The following SYN3 variants were observed in gnomAD, a reference collection of about 807,000 sequenced individuals.
SYN3 encodes the protein synapsin-3.
A neutral mutation model predicts 65.8 loss-of-function variants in SYN3; 35 were observed. That is an observed-to-expected ratio of 0.53 (90% CI 0.41 to 0.70). The LOEUF is 0.70. SYN3 is among the 30% of genes least tolerant of loss of function. The pLI is 0.00. For synonymous variants in SYN3, 270 were observed against 292.9 expected, an observed-to-expected ratio of 0.92 and a Z score of 0.80; for missense variants, 680 against 749.0, an observed-to-expected ratio of 0.91 and a Z score of 1.08.
At chr22:32,849,414 C>G (rs1454498872) in intron 6 of SYN3, 4 of 1,590,278 alleles carry the variant, frequency 2.5e-6, no homozygotes, top group Non-Finnish European at 3.4e-6. Context: ...GTGGTTCAGG[C>G]CTTCCTAACC....
intron 4 of SYN3, among the ~76,000 whole-genome samples, chr22:32,900,580 T>G (rs1306618242): frequency 6.6e-6 from 1 of 152,224 alleles, no homozygotes; most frequent in Non-Finnish European, 1.5e-5. Context: ...GCCTTTTGCA[T>G]AGACTTTGAT....
intron 6 of SYN3, among the ~76,000 whole-genome samples, chr22:32,765,633 G>A (rs947390055): frequency 1.3e-5 from 2 of 152,202 alleles, no homozygotes; most frequent in African/African-American, 4.8e-5. Context: ...TCCTGGGAGA[G>A]CTGGACACGT....
At chr22:32,976,583 A>T (rs1453752295) in intron 3 of SYN3, among the ~76,000 whole-genome samples, 1 of 152,158 alleles carries the variant, frequency 6.6e-6, no homozygotes. Context: ...AAATATAAAC[A>T]GAGGAGAGTT....
At chr22:33,052,082 C>T (rs1444952938) in intron 1 of SYN3, among the ~76,000 whole-genome samples, 1 of 152,042 alleles carries the variant, frequency 6.6e-6, no homozygotes, top group African/African-American at 2.4e-5. Flanking sequence ...AGAGGGAGAC[C>T]ATCCTGCCCA....
chr22:32,900,624 C>G (rs1404345700), intron 4 of SYN3, among the ~76,000 whole-genome samples: 3 of 146,558 alleles, frequency 2.0e-5, no homozygotes, highest in African/African-American at 7.3e-5. Context: ...GTCGGCTTCC[C>G]TATTAGACTG....
intron 4 of SYN3, among the ~76,000 whole-genome samples, chr22:32,912,153 C>T (rs2050067608): frequency 6.6e-6 from 1 of 152,188 alleles, no homozygotes; most frequent in African/African-American, 2.4e-5. Flanking sequence ...ACATATAGTT[C>T]CTCCACTGAC....
chr22:32,927,183 G>T (rs1435659398), intron 4 of SYN3, among the ~76,000 whole-genome samples: 1 of 151,950 alleles, frequency 6.6e-6, no homozygotes, highest in Non-Finnish European at 1.5e-5. Flanking sequence ...GTTATATTGG[G>T]TGTAAATCAA....
intron 3 of SYN3, among the ~76,000 whole-genome samples, chr22:32,968,164 A>G (rs1318999101): frequency 1.3e-5 from 2 of 152,202 alleles, no homozygotes; most frequent in African/African-American, 4.8e-5. Flanking sequence ...CTTAAGAAAA[A>G]TAGGTCATCT....
At chr22:32,709,548 T>C (rs1049317337) in intron 6 of SYN3, among the ~76,000 whole-genome samples, 20 of 152,184 alleles carry the variant, frequency 1.3e-4, no homozygotes, top group Non-Finnish European at 2.2e-4. Flanking sequence ...ACCAGGGTTT[T>C]TTTTACGCCC....
intron 6 of SYN3, among the ~76,000 whole-genome samples, chr22:32,730,888 A>C (rs1489943813): frequency 2.0e-5 from 3 of 152,074 alleles, no homozygotes; most frequent in Admixed American, 6.6e-5. Flanking sequence ...TGCCTGGAGC[A>C]CATCTGCCAC....
At chr22:32,712,174 T>C (rs1329748208) in intron 6 of SYN3, among the ~76,000 whole-genome samples, 1 of 152,236 alleles carries the variant, frequency 6.6e-6, no homozygotes, top group East Asian at 1.9e-4. Context: ...CTTGTGCTCT[T>C]TAGTTTTCTC....
At chr22:32,679,839 C>CTTTTTTTTTCTTTTTTT (rs2060497797) in intron 6 of SYN3, among the ~76,000 whole-genome samples, 1 of 39,150 alleles carries the variant, frequency 2.6e-5, no homozygotes, top group Non-Finnish European at 4.6e-5. Context: ...TGTTTTTTGG[C>CTTTTTTTTTCTTTTTTT]TTTTTTTTTT....
At chr22:32,874,815 C>T (rs186957396) in intron 4 of SYN3, among the ~76,000 whole-genome samples, 74 of 152,274 alleles carry the variant, frequency 4.9e-4, no homozygotes, top group African/African-American at 1.5e-3. Flanking sequence ...AGAGACTTCA[C>T]GTTTTCTCTT....
In SYN3 at chr22:32,806,391, C is replaced by G. The variant is rs77157655; in HGVS notation, c.711+58524G>C. 9.7e-3 allele frequency among the ~76,000 whole-genome samples: 1,470 copies of G among 152,256 alleles called. 26 individuals carry two copies. The highest frequency in any genetic ancestry group is 0.033 in the African/African-American group (1,378 of 41,558). On this transcript the variant is annotated intron_variant, in intron 6 of 13. Transcript: ENST00000358763. ...GCTGAATGGCACATTCCAACAGGTT[C>G]ATTAATTAAAAACAAAAACAACAAC...
chr22:32,770,665 C>T (rs2045744540), intron 6 of SYN3, among the ~76,000 whole-genome samples: 1 of 152,142 alleles, frequency 6.6e-6, no homozygotes, highest in Non-Finnish European at 1.5e-5. Flanking sequence ...AATACAGCAA[C>T]TACATGGTTC....
intron 6 of SYN3, among the ~76,000 whole-genome samples, chr22:32,632,975 G>A (rs1359512045): frequency 2.0e-5 from 3 of 152,236 alleles, no homozygotes; most frequent in South Asian, 2.1e-4. Context: ...GTGGTCAAGC[G>A]TGTTCATTCC....
chr22:32,936,033 A>G (rs568226916), intron 3 of SYN3, among the ~76,000 whole-genome samples: 101 of 152,348 alleles, frequency 6.6e-4, no homozygotes, highest in African/African-American at 2.1e-3. Context: ...CAAATATTCC[A>G]TTGTCTTAGT....
At chr22:32,599,085 G>C (rs542445350) in intron 6 of SYN3, among the ~76,000 whole-genome samples, 3 of 152,172 alleles carry the variant, frequency 2.0e-5, no homozygotes, top group African/African-American at 7.2e-5. Flanking sequence ...CTGTATTGAG[G>C]TTTTCCCTTG....
At chr22:32,715,778 CAA>C (rs765122891) in intron 6 of SYN3, among the ~76,000 whole-genome samples, 11,571 of 66,644 alleles carry the variant, frequency 0.17, 229 homozygotes, top group East Asian at 0.31. Context: ...GACTCTGTCT[CAA>C]AAAAAAAAAA....
Sources: gnomAD v4.1 joint callset for allele counts (sites outside exome capture counted in the v4.1 genomes callset) on GRCh38, gnomAD v4.1.1 for gene constraint, MANE v1.5 for transcripts, NCBI Gene and HGNC (gene_info 2026-07-23, HGNC 2026-07-21) for gene names.